The following NKAIN2 variants were observed in gnomAD, a reference collection of about 807,000 sequenced individuals.
The protein encoded by NKAIN2 is sodium/potassium-transporting ATPase subunit beta-1-interacting protein 2.
A neutral mutation model predicts 32.6 loss-of-function variants in NKAIN2; 14 were observed. The ratio of observed to expected loss-of-function variants is 0.43; its 90% CI spans 0.28 to 0.67. NKAIN2 has a LOEUF of 0.67. NKAIN2 is among the 30% of genes least tolerant of loss of function. The pLI is 0.17. For synonymous variants in NKAIN2, 80 were observed against 87.2 expected (o/e 0.92, Z 0.46); for missense variants, 198 against 258.3 (o/e 0.77, Z 1.60).
At chr6:124,632,457 A>ATGAT (rs146018340) in intron 3 of NKAIN2, among the ~76,000 whole-genome samples, 5,983 of 152,262 alleles carry the variant, frequency 0.039, 126 homozygotes, top group South Asian at 0.098. Context: ...TTGCAACGAA[A>ATGAT]TGATTGAATT....
chr6:124,204,594 C>A (rs1790764835), intron 1 of NKAIN2, among the ~76,000 whole-genome samples: 1 of 151,692 alleles, frequency 6.6e-6, no homozygotes, highest in African/African-American at 2.4e-5. Flanking sequence ...AGCAATGTGA[C>A]AACTATACCA....
rs1202021872 is a variant in NKAIN2 at position 123,831,108 on chromosome 6, T to C, written c.54+26854T>C. On this transcript the variant is annotated intron_variant, in intron 1 of 6. Coordinates refer to ENST00000368417, the MANE Select transcript of NKAIN2 (RefSeq NM_001040214.3). ...TGCTTAGAGATTTACATCAGATCTT[T>C]CCATGCTTGAAACTTTCTTTTTTTC... Among the ~76,000 whole-genome samples the C allele has an allele frequency of 2.6e-5, 4 of 152,204 alleles. No individual in the cohort carries two copies. In the East Asian group the frequency reaches 5.8e-4, roughly 22 times the overall value.
intron 1 of NKAIN2, among the ~76,000 whole-genome samples, chr6:124,089,906 C>T (rs913110532): frequency 1.6e-4 from 24 of 151,818 alleles, no homozygotes; most frequent in Admixed American, 1.4e-3. Flanking sequence ...AAGTGGCAGA[C>T]CAATCATTCA....
chr6:124,432,862 T>A (rs1562181142), intron 3 of NKAIN2, among the ~76,000 whole-genome samples: 1 of 152,012 alleles, frequency 6.6e-6, no homozygotes, highest in Non-Finnish European at 1.5e-5. Flanking sequence ...CACTTCCTCC[T>A]CTGTGTCTCC....
At chr6:123,872,156 G>T (rs993410867) in intron 1 of NKAIN2, among the ~76,000 whole-genome samples, 3 of 151,992 alleles carry the variant, frequency 2.0e-5, no homozygotes, top group African/African-American at 7.3e-5. Flanking sequence ...GTCTTAGGTT[G>T]AATTATTTGG....
intron 2 of NKAIN2, among the ~76,000 whole-genome samples, chr6:124,335,009 C>G (rs1219102089): frequency 2.0e-5 from 3 of 152,062 alleles, no homozygotes; most frequent in Non-Finnish European, 4.4e-5. Flanking sequence ...TGAAAATTCA[C>G]TAGATATAGA....
chr6:124,728,462 G>T (rs1483253085), intron 4 of NKAIN2, among the ~76,000 whole-genome samples: 3 of 110,284 alleles, frequency 2.7e-5, no homozygotes, highest in Non-Finnish European at 5.5e-5. Flanking sequence ...TGACTACTGG[G>T]TACATAACGA....
intron 2 of NKAIN2, among the ~76,000 whole-genome samples, chr6:124,297,547 G>A (rs554859456): frequency 6.6e-6 from 1 of 151,608 alleles, no homozygotes; most frequent in South Asian, 2.1e-4. Flanking sequence ...CAGGTGGGCT[G>A]CAGCACCATA....
intron 5 of NKAIN2, among the ~76,000 whole-genome samples, chr6:124,816,803 ACTTT>A (rs1409275499): frequency 1.3e-5 from 2 of 152,068 alleles, no homozygotes; most frequent in Non-Finnish European, 2.9e-5. Flanking sequence ...TCTCTATTTG[ACTTT>A]CTTTCTCCTT....
rs78721359 is a variant in NKAIN2, at chr6:124,267,867, T to C, written c.55-15138T>C. The stretch of plus-strand genomic sequence containing the variant: ...TTAATTTATTGTCTATGAATTTTTA[T>C]GTGTTGATTTCTTCACAGTGGAATA... On this transcript the variant is annotated intron_variant, in intron 1 of 6. Coordinates refer to ENST00000368417, the MANE Select transcript of NKAIN2 (RefSeq NM_001040214.3). Among the ~76,000 whole-genome samples the C allele has an allele frequency of 5.7e-3, 875 of 152,320 alleles. 6 individuals are homozygous for C. Among genetic ancestry groups the C allele is most frequent in the Non-Finnish European group, 1.0e-2 (678 of 68,020 alleles).
chr6:124,227,012 T>C (rs970701116), intron 1 of NKAIN2, among the ~76,000 whole-genome samples: 3 of 151,410 alleles, frequency 2.0e-5, no homozygotes, highest in African/African-American at 7.3e-5. Context: ...CACACATTTA[T>C]ACTCTTGTGC....
intron 1 of NKAIN2, among the ~76,000 whole-genome samples, chr6:123,905,403 G>A (rs564466897): frequency 2.6e-4 from 40 of 152,150 alleles, no homozygotes; most frequent in African/African-American, 8.9e-4. Context: ...AACTTTGCTC[G>A]GAAGAGAACC....
chr6:124,615,326 A>G (rs1189115697), intron 3 of NKAIN2, among the ~76,000 whole-genome samples: 1 of 152,228 alleles, frequency 6.6e-6, no homozygotes, highest in Non-Finnish European at 1.5e-5. Context: ...AGCAAAGCGC[A>G]ATATTTGATT....
chr6:124,807,134 T>C (rs1290689910), intron 5 of NKAIN2, among the ~76,000 whole-genome samples: 1 of 151,812 alleles, frequency 6.6e-6, no homozygotes, highest in Non-Finnish European at 1.5e-5. Context: ...CTGCACCAAG[T>C]GGACCTAATA....
intron 1 of NKAIN2, among the ~76,000 whole-genome samples, chr6:123,868,252 G>A (rs1772683816): frequency 6.6e-6 from 1 of 152,132 alleles, no homozygotes; most frequent in African/African-American, 2.4e-5. Flanking sequence ...TCATATGCAT[G>A]TCTAACCCAT....
At chr6:124,150,649 T>C (rs918911751) in intron 1 of NKAIN2, among the ~76,000 whole-genome samples, 2 of 152,150 alleles carry the variant, frequency 1.3e-5, no homozygotes, top group Non-Finnish European at 2.9e-5. Context: ...TGTATGAAAA[T>C]CTTTTCTGCA....
chr6:124,809,232 ATAC>A (rs1343802005), intron 5 of NKAIN2, among the ~76,000 whole-genome samples: 1 of 151,556 alleles, frequency 6.6e-6, no homozygotes, highest in Non-Finnish European at 1.5e-5. Flanking sequence ...ACTTCAAACT[ATAC>A]TACAAGGCTA....
intron 1 of NKAIN2, among the ~76,000 whole-genome samples, chr6:124,264,933 A>G (rs74995547): frequency 0.029 from 4,402 of 152,296 alleles, 201 homozygotes; most frequent in African/African-American, 0.093. Flanking sequence ...TACAATTGAT[A>G]TCTCATAATT....
At chr6:124,495,383 TTTGTTGTTG>T (rs538949841) in intron 3 of NKAIN2, among the ~76,000 whole-genome samples, 1 of 151,956 alleles carries the variant, frequency 6.6e-6, no homozygotes, top group Non-Finnish European at 1.5e-5. Context: ...GTTTGTTTGC[TTTGTTGTTG>T]TTGTTGTTGT....
Sources: gnomAD v4.1 joint callset for allele counts (sites outside exome capture counted in the v4.1 genomes callset) on GRCh38, gnomAD v4.1.1 for gene constraint, MANE v1.5 for transcripts, NCBI Gene and HGNC (gene_info 2026-07-23, HGNC 2026-07-21) for gene names.